Variants in TBC1D22B observed in about 807,000 individuals in gnomAD.
The protein encoded by TBC1D22B is TBC1 domain family member 22B.
TBC1D22B carries 32 observed loss-of-function variants against 69.1 expected under a neutral mutation model. The ratio of observed to expected loss-of-function variants is 0.46; its 90% confidence interval spans 0.35 to 0.62. The LOEUF (loss-of-function observed/expected upper bound fraction) is 0.62. TBC1D22B is among the 20% of genes least tolerant of loss of function. The probability of loss-of-function intolerance (pLI) is 0.00; values close to 1 mark genes in which losing one functional copy is unlikely to be tolerated. For missense variants in TBC1D22B, 462 were observed against 630.9 expected, an observed-to-expected ratio of 0.73 and a Z score of 2.87; for synonymous variants, 206 against 229.8, an observed-to-expected ratio of 0.90 and a Z score of 0.94.
intron 1 of TBC1D22B, among the ~76,000 whole-genome samples, chr6:37,264,821 A>C (rs1456680987): frequency 1.3e-5 from 2 of 152,312 alleles, no homozygotes; most frequent in Non-Finnish European, 2.9e-5. Flanking sequence ...CAAGTAGGGA[A>C]AAGAGCCTTA....
At chr6:37,289,863 A>G (rs1408969496) in intron 7 of TBC1D22B, among the ~76,000 whole-genome samples, 2 of 152,246 alleles carry the variant, frequency 1.3e-5, no homozygotes, top group Admixed American at 6.5e-5. Context: ...GCCGAATGCA[A>G]ATGAGGGTGC....
intron 8 of TBC1D22B, among the ~76,000 whole-genome samples, chr6:37,302,264 T>A (rs1330405185): frequency 6.6e-6 from 1 of 152,214 alleles, no homozygotes; most frequent in Non-Finnish European, 1.5e-5. Flanking sequence ...CCTCTGCAGA[T>A]AAGCCAGCTG....
intron 8 of TBC1D22B, among the ~76,000 whole-genome samples, chr6:37,294,454 G>A (rs963738742): frequency 3.9e-5 from 6 of 152,120 alleles, no homozygotes; most frequent in African/African-American, 9.7e-5. Flanking sequence ...TTACAAGTAC[G>A]TAGTAGCCAC....
Position 37,257,870 on chromosome 6 carries a change from C to G in TBC1D22B, c.-48C>G. 6.3e-7 allele frequency: 1 copy of G among 1,597,522 alleles called. No homozygotes were observed. Among genetic ancestry groups the G allele is most frequent in the Non-Finnish European group, 8.5e-7 (1 of 1,171,366 alleles). ...GATTGCGGGGTCTGGGGGCATCTCG[C>G]CGGGCAAACCCTTGGCCCGCCTACA... On this transcript the variant is annotated 5_prime_UTR_variant, in exon 1 of 13. Coordinates refer to ENST00000373491, the MANE Select transcript of TBC1D22B (RefSeq NM_017772.4).
At chr6:37,298,733 G>C (rs1337358807) in intron 8 of TBC1D22B, among the ~76,000 whole-genome samples, 1 of 151,940 alleles carries the variant, frequency 6.6e-6, no homozygotes, top group African/African-American at 2.4e-5. Flanking sequence ...TTTTAGGAAA[G>C]ACGGGGTTTC....
At chr6:37,281,396 G>C (rs190974532) in intron 3 of TBC1D22B, among the ~76,000 whole-genome samples, 106 of 152,276 alleles carry the variant, frequency 7.0e-4, no homozygotes, top group African/African-American at 2.5e-3. Context: ...GTGTAGAAAT[G>C]TCAAGAACAA....
At chr6:37,276,292 C>T (rs1756998) in intron 2 of TBC1D22B, among the ~76,000 whole-genome samples, 2,104 of 152,178 alleles carry the variant, frequency 0.014, 43 homozygotes, top group African/African-American at 0.046. Flanking sequence ...GGGTGGTTCT[C>T]ACCAACCTTG....
intron 1 of TBC1D22B, among the ~76,000 whole-genome samples, chr6:37,258,344 A>G (rs1372236937): frequency 6.6e-6 from 1 of 152,074 alleles, no homozygotes; most frequent in Non-Finnish European, 1.5e-5. Flanking sequence ...AGGGGTCTCC[A>G]CCACGCACAG....
At chr6:37,314,059 G>A (rs760387931) in intron 10 of TBC1D22B, among the ~76,000 whole-genome samples, 168 bp downstream of exon 10, 3 of 152,136 alleles carry the variant, frequency 2.0e-5, no homozygotes, top group Non-Finnish European at 4.4e-5. Flanking sequence ...GCAGGAAGGT[G>A]AAGTGAGAAC....
At chr6:37,312,331 A>G (rs1161373498) in intron 8 of TBC1D22B, among the ~76,000 whole-genome samples, 2 of 152,098 alleles carry the variant, frequency 1.3e-5, no homozygotes, top group African/African-American at 2.4e-5. Context: ...ACCCATCTTG[A>G]GAAATACCAT....
chr6:37,283,572 A>G (rs541453125), intron 5 of TBC1D22B, among the ~76,000 whole-genome samples: 1 of 152,310 alleles, frequency 6.6e-6, no homozygotes, highest in Admixed American at 6.5e-5. Context: ...CATTACATAA[A>G]TGTTTTCAAG....
intron 3 of TBC1D22B, among the ~76,000 whole-genome samples, chr6:37,281,710 A>G (rs1184242507): frequency 1.3e-5 from 2 of 152,198 alleles, no homozygotes; most frequent in Non-Finnish European, 2.9e-5. Context: ...CTGCAGTGTC[A>G]TCATTCCTTA....
At chr6:37,306,068 C>A (rs186266204) in intron 8 of TBC1D22B, among the ~76,000 whole-genome samples, 2 of 152,162 alleles carry the variant, frequency 1.3e-5, no homozygotes, top group Non-Finnish European at 2.9e-5. Flanking sequence ...AGTCAGGATG[C>A]TGAGCTGCTT....
intron 12 of TBC1D22B, among the ~76,000 whole-genome samples, chr6:37,329,828 C>A (rs1339396638): frequency 6.6e-6 from 1 of 152,204 alleles, no homozygotes; most frequent in Admixed American, 6.5e-5. Flanking sequence ...AAGTTTAGAG[C>A]AAAACCTAGA....
Position 37,282,355 on chromosome 6 carries a change from A to C in TBC1D22B, c.592A>C (p.Thr198Pro). ...CCGTCAACTTCTCTCCAGCCAGAACACTGACTTAGGTGAGTCCCTGTGAGC... is the reference window on the plus strand; with the variant it reads ...CCGTCAACTTCTCTCCAGCCAGAACCCTGACTTAGGTGAGTCCCTGTGAGC... Reference protein sequence around the residue: ...KFRQLLSSQNTDLDELRKCSW... With the variant: ...KFRQLLSSQNPDLDELRKCSW... Residue 198 changes from threonine (T) to proline (P), a missense_variant, in exon 4 of 13, where the codon ACT becomes CCT. Thr to Pro is a conservative substitution (Grantham distance 38). Around this residue, in one of 2 missense-constraint regions of TBC1D22B, gnomAD observed 237 missense variants for 255.4 expected, o/e 0.93. Coordinates refer to ENST00000373491, the MANE Select transcript of TBC1D22B (RefSeq NM_017772.4). The C allele has an allele frequency of 1.9e-6, 3 of 1,605,282 alleles. No individual in the cohort carries two copies. The highest frequency in any genetic ancestry group is 2.6e-6 in the Non-Finnish European group (3 of 1,175,234).
Position 37,298,539 on chromosome 6 carries a change from G to GTTTTTTTTTTTTTTTTTTTT in TBC1D22B, c.982+7187_982+7206dup, listed in dbSNP as rs34996865. Among the ~76,000 whole-genome samples the GTTTTTTTTTTTTTTTTTTTT allele has an allele frequency of 2.2e-4, 16 of 71,260 alleles. 2 individuals carry two copies. The highest frequency in any genetic ancestry group is 9.8e-4 in the African/African-American group (16 of 16,304). The allele number at this position is 71,260 out of a possible 152,430, so 46.7% of individuals were successfully genotyped here. A position where few individuals can be genotyped will look rare whatever the true frequency, so the allele number is the denominator to read the frequency against. On this transcript the variant is annotated intron_variant, in intron 8 of 12. Transcript: ENST00000373491. ...TAGAAGAACATTTAAGTTGCCTACA[G>GTTTTTTTTTTTTTTTTTTTT]TTTTTTTTTTTTTTTTTTTTTTTTG... is the stretch of plus-strand genomic sequence containing the variant.
At chr6:37,324,243 C>G (rs1479170014) in intron 12 of TBC1D22B, 2 of 453,870 alleles carry the variant, frequency 4.4e-6, no homozygotes, top group African/African-American at 4.0e-5. Flanking sequence ...ATTATACATC[C>G]TGTGTTTGGT....
intron 6 of TBC1D22B, among the ~76,000 whole-genome samples, chr6:37,285,915 C>T (rs1320376179): frequency 6.6e-6 from 1 of 152,252 alleles, no homozygotes; most frequent in African/African-American, 2.4e-5. Context: ...AGCCATCGCC[C>T]TGGCCCTTCC....
chr6:37,267,111 A>T (rs1766302458), intron 1 of TBC1D22B, among the ~76,000 whole-genome samples: 1 of 150,260 alleles, frequency 6.7e-6, no homozygotes, highest in South Asian at 2.1e-4. Flanking sequence ...TAATTTTTAA[A>T]TTTTTTGTAG....
Sources: gnomAD v4.1 joint callset for allele counts (sites outside exome capture counted in the v4.1 genomes callset) on GRCh38, gnomAD v4.1.1 for gene constraint, gnomAD v4.1.1 regional missense constraint, MANE v1.5 for transcripts, NCBI Gene and HGNC (gene_info 2026-07-23, HGNC 2026-07-21) for gene names.